The following SEC14L2 variants were observed in gnomAD, a reference collection of about 807,000 sequenced individuals.
SEC14L2 encodes the protein SEC14 like lipid binding 2.
A neutral mutation model predicts 56.9 loss-of-function variants in SEC14L2; 50 were observed. That is an observed-to-expected ratio of 0.88 (90% CI 0.70 to 1.11). SEC14L2 has a LOEUF of 1.11. SEC14L2 is among the 50% of genes most tolerant of loss of function. The pLI is 0.00. For synonymous variants in SEC14L2, 179 were observed against 188.5 expected (o/e 0.95, Z 0.41); for missense variants, 414 against 500.7 (o/e 0.83, Z 1.65).
intron 8 of SEC14L2, among the ~76,000 whole-genome samples, chr22:30,412,832 A>AC (rs1934286406): frequency 1.4e-5 from 2 of 142,748 alleles, no homozygotes; most frequent in African/African-American, 2.6e-5. Flanking sequence ...TCAAAAAAAA[A>AC]AAACAAACAA....
intron 2 of SEC14L2, 61 bp downstream of exon 2, chr22:30,399,779 A>G: frequency 6.8e-7 from 1 of 1,461,566 alleles, no homozygotes. Context: ...ACAGAATAGC[A>G]CCCTCTGAAA....
At chr22:30,403,299 C>T (rs1198824703) in intron 2 of SEC14L2, among the ~76,000 whole-genome samples, 1 of 152,208 alleles carries the variant, frequency 6.6e-6, no homozygotes, top group Non-Finnish European at 1.5e-5. Flanking sequence ...CTCTGCTTCC[C>T]CCTGACTGAG....
intron 11 of SEC14L2, among the ~76,000 whole-genome samples, chr22:30,418,585 T>C (rs924920043): frequency 4.6e-5 from 7 of 152,246 alleles, no homozygotes; most frequent in Non-Finnish European, 1.0e-4. Context: ...TCTGGATACA[T>C]TCCCAACCAG....
At chr22:30,398,816 C>T (rs950392836) in intron 1 of SEC14L2, 7 of 469,384 alleles carry the variant, frequency 1.5e-5, no homozygotes, top group Non-Finnish European at 4.4e-6. Context: ...CAGACAGACC[C>T]GGGTTTGCAT....
chr22:30,423,387 C>T lies in SEC14L2; in HGVS notation c.*980C>T, dbSNP rs1384759122. ...CCTGAGCAAGGTCTTACTAAGCAGT[C>T]CCATCTCTGTGGGAGGCATGCAACG... On this transcript the variant is annotated 3_prime_UTR_variant, in exon 12 of 12. Coordinates refer to ENST00000615189, the MANE Select transcript of SEC14L2 (RefSeq NM_012429.5). The T allele has an allele frequency of 6.5e-6, 1 of 152,766 alleles. No homozygotes were observed. The highest frequency in any genetic ancestry group is 1.5e-5 in the Non-Finnish European group (1 of 68,102). The allele number at this position is 152,766 out of a possible 1,614,324, so 9.5% of individuals were successfully genotyped here.
chr22:30,412,840 CAAAAAAACAAA>C (rs1389076723), intron 8 of SEC14L2, among the ~76,000 whole-genome samples: 105 of 119,228 alleles, frequency 8.8e-4, no homozygotes, highest in African/African-American at 2.7e-3. Flanking sequence ...AAAAAACAAA[CAAAAAAACAAA>C]AAAAAAACAA....
At chr22:30,405,591 G>A (rs1004720396) in intron 2 of SEC14L2, among the ~76,000 whole-genome samples, 7 of 152,168 alleles carry the variant, frequency 4.6e-5, no homozygotes, top group Non-Finnish European at 1.0e-4. Context: ...ACATGACAAG[G>A]TTGGGTGGAG....
intron 8 of SEC14L2, among the ~76,000 whole-genome samples, chr22:30,414,275 C>T (rs1048941064): frequency 6.6e-6 from 1 of 152,174 alleles, no homozygotes; most frequent in African/African-American, 2.4e-5. Flanking sequence ...TTTTCTGCTG[C>T]TACCACCCAC....
At position 30,422,825 on chromosome 22, in the gene SEC14L2, G is replaced by C. The variant is rs1469181909; in HGVS notation, c.*418G>C. 1 of 159,028 alleles carries C rather than the reference G, an allele frequency of 6.3e-6. No homozygotes were observed. The highest frequency in any genetic ancestry group is 1.4e-5 in the Non-Finnish European group (1 of 71,808). 9.9% of individuals were successfully genotyped at this position (159,028 alleles called of 1,614,324 possible). On this transcript the variant is annotated 3_prime_UTR_variant, in exon 12 of 12. Coordinates refer to ENST00000615189, the MANE Select transcript of SEC14L2 (RefSeq NM_012429.5). The stretch of plus-strand genomic sequence containing the variant: ...CTAAATGAACACATAAGTTTAGATC[G>C]CAATGAGGAGTAGCAGGGTAGCTGG...
intron 8 of SEC14L2, 46 bp from the exon 9 acceptor site, chr22:30,415,713 C>A: frequency 6.5e-7 from 1 of 1,547,360 alleles, no homozygotes; most frequent in Non-Finnish European, 8.9e-7. Flanking sequence ...CGAAATCTTA[C>A]CTAGTGTTGA....
chr22:30,413,159 G>A (rs982361260), intron 8 of SEC14L2, among the ~76,000 whole-genome samples: 9 of 152,218 alleles, frequency 5.9e-5, no homozygotes, highest in Non-Finnish European at 1.3e-4. Flanking sequence ...GCCTACGGAG[G>A]AACAGAGGCA....
chr22:30,416,006 A>G lies in SEC14L2; in HGVS notation c.830A>G (p.Gln277Arg). Residue 277 changes from glutamine (Q) to arginine (R), a missense_variant, in exon 10 of 12, where the codon CAG becomes CGG. Gln to Arg is a conservative substitution (Grantham distance 43, BLOSUM62 1). Coordinates refer to ENST00000615189, the MANE Select transcript of SEC14L2 (RefSeq NM_012429.5). ...KYYVRDQVKQ[Q>R]YEHSVQISRG... is the part of the protein sequence containing the mutation. ...TATGTGCGAGACCAGGTGAAACAGC[A>G]GTATGAACACAGCGTGCAGATTTCC... The G allele has an allele frequency of 3.1e-6, 5 of 1,614,270 alleles. No homozygotes were observed. Among genetic ancestry groups the G allele is most frequent in the Non-Finnish European group, 4.2e-6 (5 of 1,180,050 alleles).
At position 30,407,620 on chromosome 22, in the gene SEC14L2, G is replaced by A. The variant is rs373866976; in HGVS notation, c.423+17G>A. Reference sequence around the variant, plus strand: ...ACCACAAAGGTGAGTGGACCACCATGGCTAGAAATGAGTTGACCACAGCAG... The same window carrying A: ...ACCACAAAGGTGAGTGGACCACCATAGCTAGAAATGAGTTGACCACAGCAG... On this transcript the variant is annotated intron_variant, in intron 5 of 11. Coordinates refer to ENST00000615189, the MANE Select transcript of SEC14L2 (RefSeq NM_012429.5). 6.8e-6 allele frequency: 11 copies of A among 1,608,104 alleles called. No individual in the cohort carries two copies. The highest frequency in any genetic ancestry group is 9.4e-6 in the Non-Finnish European group (11 of 1,175,628).
chr22:30,422,208 A>G (rs903443452), intron 11 of SEC14L2, 69 bp from the exon 12 acceptor site: 16 of 1,590,958 alleles, frequency 1.0e-5, no homozygotes, highest in Non-Finnish European at 1.4e-5. Flanking sequence ...AAACATCAAC[A>G]AAAATCACTG....
At chr22:30,411,742 C>CAAAAAAAAAAA (rs60530235) in intron 8 of SEC14L2, among the ~76,000 whole-genome samples, 17,561 of 66,900 alleles carry the variant, frequency 0.26, 4,150 homozygotes, top group Non-Finnish European at 0.33. Flanking sequence ...GACTCCGTCT[C>CAAAAAAAAAAA]AAAAAAAAAA....
intron 8 of SEC14L2, among the ~76,000 whole-genome samples, chr22:30,415,302 G>A (rs111667174): frequency 0.016 from 2,500 of 152,108 alleles, 75 homozygotes; most frequent in African/African-American, 0.056. Flanking sequence ...GTGTGGTGTC[G>A]GGCGCCTGTT....
chr22:30,416,793 C>T (rs999568805), intron 11 of SEC14L2: 10 of 1,195,866 alleles, frequency 8.4e-6, no homozygotes, highest in Non-Finnish European at 1.0e-5. Context: ...ACAAGGTAAG[C>T]AGATGCTCAA....
At position 30,416,729 on chromosome 22, in the gene SEC14L2, G is replaced by C. The variant is rs1297357022; in HGVS notation, c.1081+326G>C. On this transcript the variant is annotated intron_variant, in intron 11 of 11. Transcript: ENST00000615189. ...TGTGACTGGACAGATATTTCTTGGG[G>C]ATGCTCCTTCCCAGAGGTCACAGAG... is the stretch of plus-strand genomic sequence containing the variant. The C allele has an allele frequency of 3.0e-6, 4 of 1,350,342 alleles. No individual in the cohort carries two copies. The African/African-American group carries it at 5.9e-5, about 20-fold the overall frequency. 83.6% of individuals were successfully genotyped at this position (1,350,342 alleles called of 1,614,324 possible). A position where few individuals can be genotyped will look rare whatever the true frequency, so the allele number is the denominator to read the frequency against.
chr22:30,424,634 C>G lies in SEC14L2; in HGVS notation c.*2227C>G. ...CTTAAGAGCTTGGTATAAGTAAGTG[C>G]TCGTCAATGTTGGCTACTCTCATTT... is the stretch of plus-strand genomic sequence containing the variant. On this transcript the variant is annotated 3_prime_UTR_variant, in exon 12 of 12. Transcript: ENST00000615189. 2.2e-6 allele frequency: 1 copy of G among 450,298 alleles called. No homozygotes were observed. 27.9% of individuals were successfully genotyped at this position (450,298 alleles called of 1,614,324 possible). A position where few individuals can be genotyped will look rare whatever the true frequency, so the allele number is the denominator to read the frequency against.
Sources: allele counts gnomAD v4.1 joint callset (sites outside exome capture counted in the v4.1 genomes callset), GRCh38; gene constraint gnomAD v4.1.1; transcripts MANE v1.5; gene names NCBI Gene and HGNC (gene_info 2026-07-23, HGNC 2026-07-21).